The following CEP85L variants were observed in gnomAD, a reference collection of about 807,000 sequenced individuals.
CEP85L encodes centrosomal protein 85L, also known as centrosomal protein of 85 kDa-like.
A neutral mutation model predicts 100.3 loss-of-function variants in CEP85L; 60 were observed. The observed-to-expected ratio is 0.60, with a 90% CI of 0.49 to 0.74. CEP85L has a LOEUF of 0.74. Among genes scored for constraint, CEP85L ranks in the 30% least tolerant of loss-of-function variants. The pLI, the probability that CEP85L is intolerant of heterozygous loss-of-function variation, is 0.00. For missense variants in CEP85L, 973 were observed against 936.2 expected (o/e 1.04, Z -0.51); for synonymous variants, 319 against 322.7 (o/e 0.99, Z 0.12).
chr6:118,507,844 T>C (rs1427117764), intron 5 of CEP85L, among the ~76,000 whole-genome samples: 2 of 152,136 alleles, frequency 1.3e-5, no homozygotes, highest in Non-Finnish European at 2.9e-5. Flanking sequence ...AGCTTCTATG[T>C]TCATAGCTGG....
intron 1 of CEP85L, chr6:118,664,536 A>C (rs1776073429): frequency 1.3e-5 from 2 of 152,582 alleles, no homozygotes; most frequent in South Asian, 4.1e-4. Flanking sequence ...GGATGAAAGG[A>C]GGGCTAAGCA....
intron 5 of CEP85L, among the ~76,000 whole-genome samples, chr6:118,495,481 C>T (rs1481655832): frequency 6.6e-6 from 1 of 152,164 alleles, no homozygotes; most frequent in Admixed American, 6.5e-5. Flanking sequence ...TCCCTCTTTG[C>T]TCAGCACTTC....
intron 3 of CEP85L, among the ~76,000 whole-genome samples, chr6:118,547,513 T>C (rs1378727945): frequency 6.6e-6 from 1 of 152,120 alleles, no homozygotes; most frequent in Non-Finnish European, 1.5e-5. Context: ...CCCTTAATAC[T>C]GCATCAGTTT....
intron 3 of CEP85L, among the ~76,000 whole-genome samples, chr6:118,548,855 C>A (rs1300952308): frequency 6.6e-6 from 1 of 151,962 alleles, no homozygotes; most frequent in Non-Finnish European, 1.5e-5. Flanking sequence ...CTACAACATG[C>A]ACATTATCAG....
chr6:118,678,183 A>G (rs143768466), intron 1 of CEP85L, among the ~76,000 whole-genome samples: 123 of 152,352 alleles, frequency 8.1e-4, no homozygotes, highest in African/African-American at 2.8e-3. Flanking sequence ...GGAGAAGTTG[A>G]GCTATGATCC....
chr6:118,587,822 C>T (rs939318316), intron 2 of CEP85L, among the ~76,000 whole-genome samples: 3 of 152,158 alleles, frequency 2.0e-5, no homozygotes, highest in Non-Finnish European at 2.9e-5. Flanking sequence ...CAAATGACAT[C>T]GTAAATGACT....
At chr6:118,468,644 C>T (rs1772711374) in intron 12 of CEP85L, among the ~76,000 whole-genome samples, 1 of 152,000 alleles carries the variant, frequency 6.6e-6, no homozygotes, top group South Asian at 2.1e-4. Flanking sequence ...CACTGGCACT[C>T]ACGTGAAGCA....
chr6:118,663,579 G>A (rs992498922), intron 1 of CEP85L, among the ~76,000 whole-genome samples: 10 of 152,276 alleles, frequency 6.6e-5, no homozygotes, highest in African/African-American at 2.4e-4. Context: ...AAAGTAATGA[G>A]TACAGAATTT....
rs752224560 is a variant in CEP85L at position 118,566,132 on chromosome 6, C to T, written c.417G>A (p.Gly139=). ...LMQTLGNHSR[G]EQDSSLDMKD... ...TCATGTCTAGGGAAGAGTCCTGCTC[C>T]CCCCTACTGTGGTTTCCCAATGTTT... Residue 139 remains glycine (G), a synonymous_variant, in exon 3 of 13, where the codon GGG becomes GGA. Coordinates refer to ENST00000368491, the MANE Select transcript of CEP85L (RefSeq NM_001042475.3). The T allele has an allele frequency of 8.1e-6, 13 of 1,613,978 alleles. No homozygotes were observed. Among genetic ancestry groups the T allele is most frequent in the Non-Finnish European group, 1.1e-5 (13 of 1,180,000 alleles).
upstream of CEP85L, among the ~76,000 whole-genome samples, chr6:118,653,745 GTGTA>G (rs1775676975): frequency 7.9e-6 from 1 of 126,034 alleles, no homozygotes; most frequent in Non-Finnish European, 1.8e-5. Flanking sequence ...TAGTGACTCT[GTGTA>G]TGTGTGTGTG....
chr6:118,623,397 T>C (rs965052705), intron 2 of CEP85L, among the ~76,000 whole-genome samples: 2 of 152,284 alleles, frequency 1.3e-5, no homozygotes, highest in Non-Finnish European at 2.9e-5. Flanking sequence ...AAGAAGTAGT[T>C]AAAATCTTAC....
chr6:118,645,627 G>A (rs1775127989), intron 1 of CEP85L, among the ~76,000 whole-genome samples: 1 of 152,194 alleles, frequency 6.6e-6, no homozygotes, highest in African/African-American at 2.4e-5. Context: ...ACCTATGATT[G>A]CACAACCGCA....
chr6:118,508,931 A>G (rs1775813833), intron 5 of CEP85L, among the ~76,000 whole-genome samples: 1 of 152,116 alleles, frequency 6.6e-6, no homozygotes. Context: ...TGTTTCTTCT[A>G]ACCCTCACCA....
upstream of CEP85L, chr6:118,651,807 C>G (rs528911427): frequency 8.2e-4 from 806 of 985,806 alleles, 3 homozygotes; most frequent in African/African-American, 0.013. Flanking sequence ...CTCCATCCTC[C>G]CGCCCTGCGA....
intron 3 of CEP85L, among the ~76,000 whole-genome samples, chr6:118,554,744 G>A (rs1220723521): frequency 6.6e-6 from 1 of 152,220 alleles, no homozygotes; most frequent in African/African-American, 2.4e-5. Flanking sequence ...TCACTAGGAA[G>A]TGATATTTAA....
chr6:118,470,502 T>C (rs1772871708), intron 11 of CEP85L, 35 bp downstream of exon 11: 1 of 1,303,150 alleles, frequency 7.7e-7, no homozygotes, highest in East Asian at 2.5e-5. Context: ...TAGTGAATCA[T>C]CCTTTCAAAG....
At chr6:118,630,377 G>C (rs933683366) in intron 2 of CEP85L, among the ~76,000 whole-genome samples, 10 of 152,248 alleles carry the variant, frequency 6.6e-5, no homozygotes, top group Middle Eastern at 6.8e-3. Context: ...GCCTATACAA[G>C]CTGCAAACCT....
At chr6:118,632,715 GTTC>G in intron 1 of CEP85L, 104 bp from the exon 2 acceptor site, 3 of 781,088 alleles carry the variant, frequency 3.8e-6, no homozygotes, top group Non-Finnish European at 5.7e-6. Context: ...GGTATAAAAG[GTTC>G]TTTTCTGCCC....
chr6:118,474,211 A>G (rs1437962450), intron 10 of CEP85L, among the ~76,000 whole-genome samples: 1 of 152,206 alleles, frequency 6.6e-6, no homozygotes, highest in East Asian at 1.9e-4. Flanking sequence ...CTCAGTAAGA[A>G]GAGTAAGAGA....
Sources: gnomAD v4.1 joint callset for allele counts (sites outside exome capture counted in the v4.1 genomes callset) on GRCh38, gnomAD v4.1.1 for gene constraint, MANE v1.5 for transcripts, NCBI Gene and HGNC (gene_info 2026-07-23, HGNC 2026-07-21) for gene names.